The following CLUAP1 variants were observed in gnomAD, a reference collection of about 807,000 sequenced individuals.
CLUAP1 encodes clusterin-associated protein 1.
Under a neutral mutation model 55.0 loss-of-function variants are expected in CLUAP1, and 50 were observed. That is an observed-to-expected ratio of 0.91 (90% CI 0.72 to 1.15). The LOEUF is 1.15. CLUAP1 is among the 50% of genes most tolerant of loss of function. The pLI is 0.00. For missense variants in CLUAP1, 530 were observed against 507.6 expected (o/e 1.04, Z -0.42); for synonymous variants, 195 against 175.4 (o/e 1.11, Z -0.88).
chr16:3,525,196 G>C (rs1180283184), intron 8 of CLUAP1, among the ~76,000 whole-genome samples: 2 of 152,196 alleles, frequency 1.3e-5, no homozygotes, highest in Non-Finnish European at 2.9e-5. Flanking sequence ...AGAGCTTGGA[G>C]TTTAGAACAT....
intron 8 of CLUAP1, 55 bp from the exon 9 acceptor site, chr16:3,526,357 T>C (rs766788859): frequency 1.6e-6 from 2 of 1,250,246 alleles, no homozygotes; most frequent in Non-Finnish European, 2.2e-6. Context: ...TGAAGAAGAA[T>C]AGAACAGTCC....
intron 7 of CLUAP1, among the ~76,000 whole-genome samples, chr16:3,520,722 G>A (rs1409773407): frequency 6.6e-6 from 1 of 152,090 alleles, no homozygotes; most frequent in African/African-American, 2.4e-5. Context: ...CCTGTTTGTT[G>A]GCATAGATTT....
At chr16:3,525,439 T>C (rs2037923242) in intron 8 of CLUAP1, among the ~76,000 whole-genome samples, 1 of 152,182 alleles carries the variant, frequency 6.6e-6, no homozygotes, top group Admixed American at 6.5e-5. Context: ...GTCGTTAGAA[T>C]ACCTGTTCCC....
chr16:3,496,452 T>C, upstream of CLUAP1: 1 of 955,688 alleles, frequency 1.0e-6, no homozygotes, highest in Non-Finnish European at 1.6e-6. Flanking sequence ...GCCGTGGTTG[T>C]GGGGACGCTT....
Position 3,538,612 on chromosome 16 carries a change from G to T in CLUAP1, c.*2341G>T, listed in dbSNP as rs2038282159. 6.6e-6 allele frequency: 1 copy of T among 152,148 alleles called. No homozygotes were observed. Among genetic ancestry groups the T allele is most frequent in the South Asian group, 2.1e-4 (1 of 4,824 alleles). The allele number at this position is 152,148 out of a possible 1,614,324, so 9.4% of individuals were successfully genotyped here. ...CAGAAGCCTAACCTAGCTACAAAGA[G>T]CCTATCCACAGACATAGGCAACAGC... On this transcript the variant is annotated 3_prime_UTR_variant, in exon 12 of 12. Transcript: ENST00000576634.
At chr16:3,521,747 T>A (rs140117851) in intron 7 of CLUAP1, among the ~76,000 whole-genome samples, 365 of 151,170 alleles carry the variant, frequency 2.4e-3, no homozygotes, top group African/African-American at 8.4e-3. Flanking sequence ...TTTTAAAAAA[T>A]TTTTTATCGT....
intron 6 of CLUAP1, among the ~76,000 whole-genome samples, chr16:3,516,102 C>A (rs2285813): frequency 0.42 from 64,374 of 151,976 alleles, 16,654 homozygotes; most frequent in African/African-American, 0.74. Flanking sequence ...AAGTTACTTA[C>A]CCTCTCTGTG....
chr16:3,520,951 C>T (rs182827096), intron 7 of CLUAP1, among the ~76,000 whole-genome samples: 1 of 152,052 alleles, frequency 6.6e-6, no homozygotes, highest in Non-Finnish European at 1.5e-5. Context: ...TTCTTGGCTC[C>T]CTCCTCTTCC....
chr16:3,512,485 A>C lies in CLUAP1; in HGVS notation c.495+7A>C. On this transcript the variant is annotated splice_region_variant and intron_variant, in intron 5 of 11. Transcript: ENST00000576634. ...CATGGAAGTAGAGTTGAGGGTAAGC[A>C]TTCCAGTACTTCCTTAACCATGCAG... The C allele has an allele frequency of 6.3e-7, 1 of 1,598,426 alleles. No homozygotes were observed. Among genetic ancestry groups the C allele is most frequent in the Non-Finnish European group, 8.6e-7 (1 of 1,165,744 alleles).
At chr16:3,514,488 G>C (rs1351449687) in intron 5 of CLUAP1, among the ~76,000 whole-genome samples, 2 of 152,280 alleles carry the variant, frequency 1.3e-5, no homozygotes, top group African/African-American at 2.4e-5. Context: ...ATTCCCACCA[G>C]GTGCACCGTG....
intron 10 of CLUAP1, among the ~76,000 whole-genome samples, chr16:3,531,100 T>C (rs1465363153): frequency 6.6e-6 from 1 of 152,206 alleles, no homozygotes; most frequent in African/African-American, 2.4e-5. Flanking sequence ...GCACACCTTA[T>C]TCCCAGCTAC....
intron 11 of CLUAP1, chr16:3,535,898 C>G: frequency 1.8e-6 from 1 of 554,446 alleles, no homozygotes; most frequent in Non-Finnish European, 3.2e-6. Context: ...GCACCACACC[C>G]AGATGCACCT....
In CLUAP1 at chr16:3,515,555, T is replaced by A. The variant is rs1252016567; in HGVS notation, c.543T>A (p.Thr181=). 1 of 1,600,428 alleles carries A rather than the reference T, an allele frequency of 6.2e-7. No individual in the cohort carries two copies. The highest frequency in any genetic ancestry group is 1.8e-5 in the Admixed American group (1 of 55,176). Residue 181 remains threonine, a synonymous_variant, in exon 6 of 12, where the codon ACT becomes ACA. Coordinates refer to ENST00000576634, the MANE Select transcript of CLUAP1 (RefSeq NM_015041.3). The part of the protein sequence containing the change: ...AIARPLEINE[T]EKVMRIAIKE... ...CCAGACCTCTGGAAATAAACGAGAC[T>A]GAAAAAGTGATGAGAATTGCAATAA...
upstream of CLUAP1, among the ~76,000 whole-genome samples, chr16:3,498,257 G>A (rs1167783962): frequency 6.6e-6 from 1 of 151,976 alleles, no homozygotes; most frequent in Non-Finnish European, 1.5e-5. Flanking sequence ...CCAGCAGATT[G>A]GATGATGCCC....
intron 4 of CLUAP1, among the ~76,000 whole-genome samples, chr16:3,509,538 G>A (rs927110862): frequency 3.9e-5 from 6 of 152,348 alleles, no homozygotes; most frequent in African/African-American, 1.4e-4. Context: ...CAGAGTGCTG[G>A]TGGGACAGGT....
Position 3,530,624 on chromosome 16 carries a change from G to A in CLUAP1, c.985G>A (p.Glu329Lys). Residue 329 changes from glutamate (E) to lysine (K), a missense_variant, in exon 10 of 12, where the codon GAA becomes AAA. Glu to Lys is a moderately conservative substitution (Grantham distance 56). Transcript: ENST00000576634. ...QEDDESDSEL[E>K]ERRLPKPQTA... ...GGACGATGAATCCGACAGTGAGTTG[G>A]AAGAAAGGCGGCTGCCCAAGCCACA... The A allele has an allele frequency of 6.2e-7, 1 of 1,614,054 alleles. No individual in the cohort carries two copies. The highest frequency in any genetic ancestry group is 8.5e-7 in the Non-Finnish European group (1 of 1,180,006).
At chr16:3,515,226 G>A (rs886195573) in intron 5 of CLUAP1, 22 of 243,178 alleles carry the variant, frequency 9.0e-5, no homozygotes, top group Non-Finnish European at 1.6e-4. Context: ...CAGCAAATTT[G>A]GGAGAAAAGA....
In CLUAP1 at chr16:3,509,603, C is replaced by A. The variant is rs191796077; in HGVS notation, c.399+1135C>A. 2.0e-5 allele frequency among the ~76,000 whole-genome samples: 3 copies of A among 152,254 alleles called. No homozygotes were observed. The East Asian group carries it at 5.8e-4, about 29-fold the overall frequency. On this transcript the variant is annotated intron_variant, in intron 4 of 11. Coordinates refer to ENST00000576634, the MANE Select transcript of CLUAP1 (RefSeq NM_015041.3). ...AGCAAGCCAGAAATAAAGGTTAAGC[C>A]GTTACTCTGAGGCCCAAGGCCTCAG...
At chr16:3,496,005 G>A (rs1411414134), upstream of CLUAP1, among the ~76,000 whole-genome samples, 1 of 152,084 alleles carries the variant, frequency 6.6e-6, no homozygotes, top group Non-Finnish European at 1.5e-5. Context: ...GCCGGGCGTC[G>A]TGGCGGGAGC....
Sources: allele counts gnomAD v4.1 joint callset (sites outside exome capture counted in the v4.1 genomes callset), GRCh38; gene constraint gnomAD v4.1.1; transcripts MANE v1.5; gene names NCBI Gene and HGNC (gene_info 2026-07-23, HGNC 2026-07-21).